MDGA2: variants seen among roughly 807,000 people sequenced by gnomAD.
MDGA2 encodes the protein MAM domain-containing glycosylphosphatidylinositol anchor protein 2.
Under a neutral mutation model 117.8 loss-of-function variants are expected in MDGA2, and 40 were observed. The observed-to-expected ratio is 0.34, with a 90% CI of 0.26 to 0.44. The LOEUF is 0.44. MDGA2 is among the 20% of genes least tolerant of loss of function. The pLI is 1.00. For missense variants in MDGA2, 1,123 were observed against 1,250.6 expected, an observed-to-expected ratio of 0.90 and a Z score of 1.54; for synonymous variants, 452 against 439.0, an observed-to-expected ratio of 1.03 and a Z score of -0.37.
intron 5 of MDGA2, among the ~76,000 whole-genome samples, chr14:47,128,856 G>A (rs1158038349): frequency 2.6e-5 from 4 of 151,720 alleles, no homozygotes; most frequent in African/African-American, 9.7e-5. Flanking sequence ...CACCATGCCC[G>A]GCTAATGTTT....
chr14:47,158,578 A>G (rs113882839), intron 3 of MDGA2, among the ~76,000 whole-genome samples: 13,832 of 150,386 alleles, frequency 0.092, 728 homozygotes, highest in African/African-American at 0.1. Context: ...CCTCCTGTTC[A>G]AGTGATTCTC....
At chr14:47,083,995 T>G (rs2416020) in intron 6 of MDGA2, among the ~76,000 whole-genome samples, 50,392 of 151,904 alleles carry the variant, frequency 0.33, 8,922 homozygotes, top group East Asian at 0.52. Context: ...GACTTTGATA[T>G]TCCCCCCTTT....
At position 47,035,268 on chromosome 14, in the gene MDGA2, G is replaced by T. The variant is rs866325480; in HGVS notation, c.1562C>A (p.Pro521Gln). ...PNLTVPQEKS[P>Q]LVTREGDTIE... ...TGTGTCTCCTTCTCTGGTGACCAAT[G>T]GTGATTTTTCCTGTGGAACAGTCAG... The change falls in exon 8 of 17, where the codon CCA (proline) becomes CAA (glutamine). Residue 521 changes from proline to glutamine, a missense_variant. Physicochemically the swap from Pro to Gln is moderately conservative, Grantham distance 76. Around this residue, in one of 2 missense-constraint regions of MDGA2, gnomAD observed 890 missense variants for 1,050.3 expected, o/e 0.85. Coordinates refer to ENST00000399232, the MANE Select transcript of MDGA2 (RefSeq NM_001113498.3). 2 of 1,613,856 alleles carry T rather than the reference G, an allele frequency of 1.2e-6. No homozygotes were observed. The highest frequency in any genetic ancestry group is 2.7e-5 in the African/African-American group (2 of 74,920).
At chr14:46,908,948 A>G (rs1470687080) in intron 10 of MDGA2, among the ~76,000 whole-genome samples, 5 of 152,158 alleles carry the variant, frequency 3.3e-5, no homozygotes, top group Non-Finnish European at 4.4e-5. Flanking sequence ...AGCTTCTGCT[A>G]CCTTCCCAAA....
Position 46,958,479 on chromosome 14 carries a change from TTC to T in MDGA2, c.1820-838_1820-837del, listed in dbSNP as rs200533287. Among the ~76,000 whole-genome samples the T allele has an allele frequency of 4.3e-3, 654 of 152,290 alleles. 7 individuals carry two copies. Among genetic ancestry groups the T allele is most frequent in the African/African-American group, 0.015 (622 of 41,550 alleles). On this transcript the variant is annotated intron_variant, in intron 8 of 16. Coordinates refer to ENST00000399232, the MANE Select transcript of MDGA2 (RefSeq NM_001113498.3). ...GGATTTATATGATCAAATAATTTTT[TTC>T]TTTGGAAAAACACTGTGGTAGACAG...
At position 47,356,803 on chromosome 14, in the gene MDGA2, C is replaced by A. The variant is rs187242016; in HGVS notation, c.281-55253G>T. Among the ~76,000 whole-genome samples, 152 of 152,254 alleles carry A rather than the reference C, an allele frequency of 1.0e-3. 1 individual carries two copies. Among genetic ancestry groups the A allele is most frequent in the African/African-American group, 3.4e-3 (141 of 41,548 alleles). On this transcript the variant is annotated intron_variant, in intron 1 of 16. Coordinates refer to ENST00000399232, the MANE Select transcript of MDGA2 (RefSeq NM_001113498.3). ...TCTACCCTCCTTGCCTTTGACCTCA[C>A]TAAACTTTGCATTCTAAACACCACC...
intron 10 of MDGA2, among the ~76,000 whole-genome samples, chr14:46,897,438 T>A (rs763169270): frequency 7.2e-5 from 11 of 152,146 alleles, no homozygotes; most frequent in Non-Finnish European, 1.5e-4. Context: ...GAATGGCAAA[T>A]AACTACAACA....
chr14:47,126,525 G>T (rs1421134735), intron 5 of MDGA2, among the ~76,000 whole-genome samples: 3 of 152,004 alleles, frequency 2.0e-5, no homozygotes, highest in Non-Finnish European at 4.4e-5. Context: ...ATACAATTAT[G>T]AGTTCCACCA....
intron 8 of MDGA2, among the ~76,000 whole-genome samples, chr14:47,024,175 T>C (rs1277585032): frequency 6.6e-6 from 1 of 152,194 alleles, no homozygotes; most frequent in Non-Finnish European, 1.5e-5. Context: ...ATCATCTGCC[T>C]CTATATCTAT....
intron 8 of MDGA2, among the ~76,000 whole-genome samples, chr14:47,029,300 T>C: frequency 6.6e-6 from 1 of 152,180 alleles, no homozygotes; most frequent in East Asian, 1.9e-4. Context: ...TTGGTCTTGC[T>C]TGGGAAACTG....
intron 6 of MDGA2, among the ~76,000 whole-genome samples, chr14:47,095,773 A>C (rs962750922): frequency 6.6e-6 from 1 of 152,042 alleles, no homozygotes; most frequent in Admixed American, 6.6e-5. Flanking sequence ...TATTCCTAAT[A>C]ATTTGCAAAA....
intron 1 of MDGA2, among the ~76,000 whole-genome samples, chr14:47,486,938 G>C (rs1370641388): frequency 6.6e-6 from 1 of 151,982 alleles, no homozygotes; most frequent in African/African-American, 2.4e-5. Flanking sequence ...ATACACAAGG[G>C]GACAGCAAAT....
chr14:47,295,263 C>G (rs1889025289), intron 2 of MDGA2, among the ~76,000 whole-genome samples: 1 of 152,106 alleles, frequency 6.6e-6, no homozygotes, highest in South Asian at 2.1e-4. Context: ...CAGTATCTTC[C>G]AACCTTGCAA....
intron 1 of MDGA2, among the ~76,000 whole-genome samples, chr14:47,314,687 T>G (rs1350347979): frequency 1.3e-5 from 2 of 151,272 alleles, no homozygotes; most frequent in African/African-American, 2.4e-5. Flanking sequence ...AAAAAAAAAG[T>G]GATAACAGAG....
chr14:46,870,706 G>A (rs1202879684), intron 14 of MDGA2, among the ~76,000 whole-genome samples: 1 of 151,932 alleles, frequency 6.6e-6, no homozygotes, highest in Non-Finnish European at 1.5e-5. Context: ...ATGGAGAACT[G>A]TCCTCCTAAT....
intron 9 of MDGA2, among the ~76,000 whole-genome samples, chr14:46,940,887 T>C (rs1411026557): frequency 6.6e-6 from 1 of 152,108 alleles, no homozygotes; most frequent in Non-Finnish European, 1.5e-5. Context: ...GAGCAAGAGG[T>C]GTTCAAGTGA....
At chr14:47,279,825 T>C (rs932913954) in intron 2 of MDGA2, among the ~76,000 whole-genome samples, 2 of 152,118 alleles carry the variant, frequency 1.3e-5, no homozygotes, top group Non-Finnish European at 2.9e-5. Flanking sequence ...ATCCCCTAAA[T>C]ATGGCTTTAT....
chr14:47,054,206 T>C (rs780830147), intron 7 of MDGA2, among the ~76,000 whole-genome samples: 3 of 152,110 alleles, frequency 2.0e-5, no homozygotes, highest in Non-Finnish European at 4.4e-5. Flanking sequence ...ATTCATTCTA[T>C]TTCCTCAAAC....
intron 1 of MDGA2, among the ~76,000 whole-genome samples, chr14:47,378,891 G>A (rs1891542601): frequency 6.6e-6 from 1 of 152,078 alleles, no homozygotes; most frequent in Non-Finnish European, 1.5e-5. Context: ...TCCTCAAGAA[G>A]AGCAACTCCA....
Sources: allele counts gnomAD v4.1 joint callset (sites outside exome capture counted in the v4.1 genomes callset), GRCh38; gene constraint gnomAD v4.1.1; regional missense constraint gnomAD v4.1.1; transcripts MANE v1.5; gene names NCBI Gene and HGNC (gene_info 2026-07-23, HGNC 2026-07-21).